BOD1L1: variants seen among roughly 807,000 people sequenced by gnomAD.
The protein encoded by BOD1L1 is biorientation of chromosomes in cell division protein 1-like 1.
Under a neutral mutation model 240.7 loss-of-function variants are expected in BOD1L1, and 86 were observed. The ratio of observed to expected loss-of-function variants is 0.36; its 90% CI spans 0.30 to 0.43. The LOEUF is 0.43. BOD1L1 is among the 20% of genes least tolerant of loss of function. BOD1L1 has a pLI of 1.00. For synonymous variants in BOD1L1, 1,268 were observed against 1,272.3 expected (o/e 1.00, Z 0.07); for missense variants, 3,554 against 3,643.5 (o/e 0.98, Z 0.63).
chr4:13,614,659 A>G lies in BOD1L1; in HGVS notation c.711T>C (p.Leu237=). The G allele has an allele frequency of 6.2e-7, 1 of 1,613,772 alleles. No individual in the cohort carries two copies. The highest frequency in any genetic ancestry group is 8.5e-7 in the Non-Finnish European group (1 of 1,179,852). Residue 237 remains leucine (L), a synonymous_variant, in exon 4 of 26, where the codon CTT becomes CTC. Transcript: ENST00000040738. ...AKTSERASKK[L]PSQPTTDTST... ...TAGTATCAGTGGTTGGCTGAGATGGAAGTTTTTTTGACGCTCTCTCACTGG... is the reference window on the plus strand; with the variant it reads ...TAGTATCAGTGGTTGGCTGAGATGGGAGTTTTTTTGACGCTCTCTCACTGG...
intron 1 of BOD1L1, among the ~76,000 whole-genome samples, chr4:13,622,340 T>G (rs577791994): frequency 2.0e-5 from 3 of 152,328 alleles, no homozygotes; most frequent in Admixed American, 6.5e-5. Flanking sequence ...TAATTTTCCT[T>G]GTTTTCAAGC....
chr4:13,589,073 A>T (rs141274550), intron 14 of BOD1L1, among the ~76,000 whole-genome samples: 2 of 152,360 alleles, frequency 1.3e-5, no homozygotes, highest in African/African-American at 4.8e-5. Flanking sequence ...GACTTTACAC[A>T]GAAGACTTCA....
chr4:13,627,510 CGGT>C lies in BOD1L1; in HGVS notation c.75_77del (p.Pro30del). The C allele has an allele frequency of 9.8e-7, 1 of 1,016,470 alleles. No homozygotes were observed. Among genetic ancestry groups the C allele is most frequent in the Non-Finnish European group, 1.2e-6 (1 of 847,896 alleles). 63.0% of individuals were successfully genotyped at this position (1,016,470 alleles called of 1,614,324 possible). On this transcript the variant is annotated inframe_deletion, in exon 1 of 26. Transcript: ENST00000040738. ...CAGCCCCGGGGCCCGGCGGCGGCGG[CGGT>C]GGCTGCGGCTGCGGCTGCGGCGGGG...
chr4:13,589,695 T>C (rs754681407), intron 14 of BOD1L1, among the ~76,000 whole-genome samples: 7 of 152,224 alleles, frequency 4.6e-5, no homozygotes, highest in Admixed American at 4.6e-4. Context: ...CCACCATAAC[T>C]GTTAACATTT....
chr4:13,627,636 G>A lies in BOD1L1; in HGVS notation c.-49C>T, dbSNP rs1444896090. Reference sequence around the variant, plus strand: ...AGGGCCCTGACCGGCGGACGATCCTGGGAGGCGGCGGCTGCACTGGTCCCG... The same window carrying A: ...AGGGCCCTGACCGGCGGACGATCCTAGGAGGCGGCGGCTGCACTGGTCCCG... On this transcript the variant is annotated 5_prime_UTR_variant, in exon 1 of 26. Transcript: ENST00000040738. 3.5e-6 allele frequency: 4 copies of A among 1,139,376 alleles called. No homozygotes were observed. The highest frequency in any genetic ancestry group is 4.0e-5 in the East Asian group (1 of 24,794). 70.6% of individuals were successfully genotyped at this position (1,139,376 alleles called of 1,614,324 possible).
intron 19 of BOD1L1, 120 bp downstream of exon 19, chr4:13,582,117 A>G: frequency 1.3e-6 from 1 of 751,074 alleles, no homozygotes; most frequent in Non-Finnish European, 2.1e-6. Flanking sequence ...CCATTGCACT[A>G]AAAAAACCGC....
intron 1 of BOD1L1, among the ~76,000 whole-genome samples, chr4:13,621,604 A>G (rs1411269727): frequency 6.6e-6 from 1 of 152,142 alleles, no homozygotes; most frequent in East Asian, 1.9e-4. Context: ...TCCTCCATTG[A>G]TGTGTAAGCC....
rs1204959843 is a variant in BOD1L1, at chr4:13,570,143, G to A, written c.9039-15C>T. On this transcript the variant is annotated splice_polypyrimidine_tract_variant and intron_variant, in intron 25 of 25. Transcript: ENST00000040738. The stretch of plus-strand genomic sequence containing the variant: ...GTGTCTTTGATCTGCATTAAGCAAA[G>A]TCAAGGCAATGGTGAGGTTTAAAAG... The A allele has an allele frequency of 6.5e-7, 1 of 1,535,716 alleles. No individual in the cohort carries two copies. Among genetic ancestry groups the A allele is most frequent in the South Asian group, 1.2e-5 (1 of 80,894 alleles).
chr4:13,607,057 G>A, intron 9 of BOD1L1, 60 bp downstream of exon 9: 2 of 1,123,742 alleles, frequency 1.8e-6, no homozygotes, highest in South Asian at 3.2e-5. Flanking sequence ...TTACTCCAAA[G>A]GAATAAACAG....
intron 18 of BOD1L1, 92 bp downstream of exon 18, chr4:13,582,560 A>C (rs968685142): frequency 5.2e-5 from 51 of 977,712 alleles, no homozygotes; most frequent in Non-Finnish European, 6.8e-5. Context: ...TTACACAGGA[A>C]AAGTAAATGA....
At chr4:13,609,253 A>G (rs1397406881) in intron 7 of BOD1L1, 42 bp downstream of exon 7, 2 of 1,153,362 alleles carry the variant, frequency 1.7e-6, no homozygotes, top group African/African-American at 1.6e-5. Context: ...AAATAATGAA[A>G]TATATGAGAT....
In BOD1L1 at chr4:13,599,934, T is replaced by C. The variant is rs891802306; in HGVS notation, c.6966A>G (p.Glu2322=). The C allele has an allele frequency of 1.9e-6, 3 of 1,613,514 alleles. No individual in the cohort carries two copies. In the South Asian group the frequency reaches 3.3e-5, roughly 18 times the overall value. The part of the protein sequence containing the change: ...DEDRLTITRV[E]DLSDAAIIST... ...AGATGATGGCAGCATCGCTCAAGTC[T>C]TCTACTCTTGTGATGGTGAGCCGAT... The change falls in exon 10 of 26, where the codon GAA becomes GAG. Residue 2322 remains glutamate (E), a synonymous_variant. Transcript: ENST00000040738.
chr4:13,611,237 G>T, intron 5 of BOD1L1, 137 bp from the exon 6 acceptor site: 5 of 580,040 alleles, frequency 8.6e-6, no homozygotes, highest in Non-Finnish European at 1.4e-5. Context: ...TTCAGAAATT[G>T]ACTTTTAAAA....
intron 25 of BOD1L1, among the ~76,000 whole-genome samples, chr4:13,573,438 G>GTCTATCTATCTATCTATCTATCTA (rs1403849969): frequency 2.4e-4 from 11 of 46,484 alleles, no homozygotes; most frequent in Admixed American, 3.4e-4. Flanking sequence ...CTGTCTGTCT[G>GTCTATCTATCTATCTATCTATCTA]TCTGTCTATC....
rs1223813516 is a variant in BOD1L1 at position 13,600,254 on chromosome 4, A to G, written c.6646T>C (p.Cys2216Arg). Residue 2216 changes from cysteine (C) to arginine (R), a missense_variant, in exon 10 of 26, where the codon TGT becomes CGT. Physicochemically the swap from Cys to Arg is radical, Grantham distance 180 (BLOSUM62 -3). Around this residue, in one of 2 missense-constraint regions of BOD1L1, gnomAD observed 3,393 missense variants for 3,427.1 expected, o/e 0.99. Coordinates refer to ENST00000040738, the MANE Select transcript of BOD1L1 (RefSeq NM_148894.3). ...GCTATGCTAGTGGAAATGAGAGCAC[A>G]TTCATCCTTCTCCTCCTTGCTGGTT... is the stretch of plus-strand genomic sequence containing the variant. Reference protein sequence around the residue: ...ASTSKEEKDECALISTSIAEE... With the variant: ...ASTSKEEKDERALISTSIAEE... 1 of 1,614,060 alleles carries G rather than the reference A, an allele frequency of 6.2e-7. No individual in the cohort carries two copies. The highest frequency in any genetic ancestry group is 1.7e-5 in the Admixed American group (1 of 60,038).
chr4:13,586,497 A>G (rs371904927), intron 16 of BOD1L1, 22 bp from the exon 17 acceptor site: 2 of 1,493,154 alleles, frequency 1.3e-6, no homozygotes, highest in African/African-American at 1.4e-5. Flanking sequence ...TTTAGACAGA[A>G]TCACAAAGGA....
intron 25 of BOD1L1, among the ~76,000 whole-genome samples, chr4:13,573,470 ATCTTTCTTTCTT>A (rs139972436): frequency 8.2e-6 from 1 of 122,632 alleles, no homozygotes; most frequent in African/African-American, 3.0e-5. Context: ...CTATCTATCT[ATCTTTCTTTCTT>A]TCTTTCTTTC....
At chr4:13,619,324 A>G (rs935166361) in intron 2 of BOD1L1, among the ~76,000 whole-genome samples, 1 of 150,380 alleles carries the variant, frequency 6.6e-6, no homozygotes, top group African/African-American at 2.4e-5. Context: ...AAAAAAAAAA[A>G]GTAGAAGACC....
chr4:13,601,448 T>C lies in BOD1L1; in HGVS notation c.5452A>G (p.Ile1818Val), dbSNP rs146039702. The C allele has an allele frequency of 2.4e-5, 38 of 1,614,048 alleles. No individual in the cohort carries two copies. The East Asian group carries it at 4.7e-4, about 20-fold the overall frequency. ...GSEDSSEGFA[I>V]SSESEENGES... ...CCATTTTCTTCCGATTCAGAACTTA[T>C]AGCAAAGCCTTCGCTGCTATCTTCT... is the stretch of plus-strand genomic sequence containing the variant. Residue 1818 changes from isoleucine to valine, a missense_variant, in exon 10 of 26, where the codon ATA becomes GTA. This residue lies in a region of BOD1L1 where 3,393 missense variants were observed against 3,427.1 expected (regional missense o/e 0.99). Transcript: ENST00000040738.
Sources: allele counts gnomAD v4.1 joint callset (sites outside exome capture counted in the v4.1 genomes callset), GRCh38; gene constraint gnomAD v4.1.1; regional missense constraint gnomAD v4.1.1; transcripts MANE v1.5; gene names NCBI Gene and HGNC (gene_info 2026-07-23, HGNC 2026-07-21).